Variants in DNAH2 observed in about 807,000 individuals in gnomAD.
DNAH2 encodes axonemal beta dynein heavy chain 2.
Under a neutral mutation model 523.5 loss-of-function variants are expected in DNAH2, and 323 were observed. That is an observed-to-expected ratio of 0.62 (90% CI 0.56 to 0.68). The LOEUF is 0.68. Among genes scored for constraint, DNAH2 ranks in the 30% least tolerant of loss-of-function variants. The pLI is 0.00. For missense variants in DNAH2, 4,907 were observed against 5,701.5 expected, an observed-to-expected ratio of 0.86 and a Z score of 4.49; for synonymous variants, 2,093 against 2,177.4, an observed-to-expected ratio of 0.96 and a Z score of 1.08.
rs2076564158 is a variant in DNAH2, at chr17:7,780,166, G to C, written c.5732G>C (p.Gly1911Ala). The part of the protein sequence containing the change: ...IFITMNPGYA[G>A]RTELPENLKS... ...TGGCATTGTTTTCCAGGCTATGCTGGCCGCACAGAGCTTCCCGAAAATCTT... is the reference window on the plus strand; with the variant it reads ...TGGCATTGTTTTCCAGGCTATGCTGCCCGCACAGAGCTTCCCGAAAATCTT... The change falls in exon 37 of 86, where the codon GGC becomes GCC. Residue 1911 changes from glycine to alanine, a missense_variant. Around this residue, in one of 3 missense-constraint regions of DNAH2, gnomAD observed 2,806 missense variants for 3,190.8 expected, o/e 0.88. Coordinates refer to ENST00000572933, the MANE Select transcript of DNAH2 (RefSeq NM_020877.5). This position sits in a 1 kb window ranked among gnomAD's most constrained non-coding sequence, Gnocchi z 4.4. The C allele has an allele frequency of 6.2e-7, 1 of 1,612,922 alleles. No homozygotes were observed. The highest frequency in any genetic ancestry group is 8.5e-7 in the Non-Finnish European group (1 of 1,179,488).
Position 7,768,060 on chromosome 17 carries a change from A to C in DNAH2, c.3836A>C (p.Lys1279Thr). The C allele has an allele frequency of 6.2e-7, 1 of 1,614,130 alleles. No homozygotes were observed. Among genetic ancestry groups the C allele is most frequent in the Non-Finnish European group, 8.5e-7 (1 of 1,180,016 alleles). ...CTCACAAAATTAGCCAAAGAGTATA[A>C]GGTGGGGAGAAACGGCGGGGAGGCG... is the stretch of plus-strand genomic sequence containing the variant. ...RRLTKLAKEYKDRNWEIIETT... is the reference protein window; with the variant it reads ...RRLTKLAKEYTDRNWEIIETT... The change falls in exon 23 of 86, where the codon AAG becomes ACG. Residue 1279 changes from lysine (K) to threonine (T), a missense_variant and splice_region_variant. Physicochemically the swap from Lys to Thr is moderately conservative, Grantham distance 78 (BLOSUM62 -1). Transcript: ENST00000572933.
intron 11 of DNAH2, among the ~76,000 whole-genome samples, chr17:7,741,236 C>CTCTCTCTCTTTCTT (rs1555540638): frequency 1.4e-4 from 12 of 85,592 alleles, no homozygotes; most frequent in Non-Finnish European, 5.1e-5. Flanking sequence ...TTTTCTCTCT[C>CTCTCTCTCTTTCTT]TCTTTCTTTC....
chr17:7,739,220 A>G (rs956855641), intron 8 of DNAH2, among the ~76,000 whole-genome samples: 6 of 152,170 alleles, frequency 3.9e-5, no homozygotes, highest in Admixed American at 6.5e-5. Flanking sequence ...AGCCTGGCCA[A>G]CATGGTGAAA....
chr17:7,740,072 G>C (rs561674152), intron 9 of DNAH2, 134 bp downstream of exon 9: 1 of 665,576 alleles, frequency 1.5e-6, no homozygotes, highest in South Asian at 1.8e-5. Context: ...GGCCCGGGGG[G>C]GGGGACAGGA....
In DNAH2 at chr17:7,780,027, C is replaced by T; in HGVS notation, c.5723-130C>T. On this transcript the variant is annotated intron_variant, in intron 36 of 85. Coordinates refer to ENST00000572933, the MANE Select transcript of DNAH2 (RefSeq NM_020877.5). The surrounding 1 kb of genome is among the most constrained non-coding windows in gnomAD (Gnocchi z 4.4). ...GGGCTGAGATGAGAAAGGATGTGGT[C>T]TTGGAGTTGGAGAGAAAGTTAGGGA... is the stretch of plus-strand genomic sequence containing the variant. 1 of 1,243,208 alleles carries T rather than the reference C, an allele frequency of 8.0e-7. No individual in the cohort carries two copies. 77.0% of individuals were successfully genotyped at this position (1,243,208 alleles called of 1,614,324 possible).
At position 7,801,572 on chromosome 17, in the gene DNAH2, T is replaced by TC; in HGVS notation, c.8700-3dup. On this transcript the variant is annotated splice_polypyrimidine_tract_variant and splice_region_variant and intron_variant, in intron 56 of 85. Coordinates refer to ENST00000572933, the MANE Select transcript of DNAH2 (RefSeq NM_020877.5). ...GAATTTACAGCCTCTCCAAACCCCT[T>TC]CCCAGGAACTGGATCCGCCAGTACC... 1 of 1,614,026 alleles carries TC rather than the reference T, an allele frequency of 6.2e-7. No individual in the cohort carries two copies. Among genetic ancestry groups the TC allele is most frequent in the Non-Finnish European group, 8.5e-7 (1 of 1,179,976 alleles).
At chr17:7,759,998 G>A in intron 17 of DNAH2, 60 bp downstream of exon 17, 1 of 1,610,898 alleles carries the variant, frequency 6.2e-7, no homozygotes, top group Non-Finnish European at 8.5e-7. Flanking sequence ...GAGTGGGCCA[G>A]GCCAGGAGGA....
intron 49 of DNAH2, among the ~76,000 whole-genome samples, chr17:7,795,940 T>TATAAATAA (rs557782089): frequency 2.7e-5 from 4 of 147,204 alleles, no homozygotes; most frequent in Non-Finnish European, 3.0e-5. Flanking sequence ...GAAGTTGCAG[T>TATAAATAA]ATAAATAAAT....
chr17:7,740,025 A>C, intron 9 of DNAH2, 87 bp downstream of exon 9: 6 of 1,165,888 alleles, frequency 5.1e-6, no homozygotes, highest in Non-Finnish European at 4.5e-6. Context: ...GAGTATGCAA[A>C]GGAAATGGTG....
At chr17:7,775,140 G>C in intron 29 of DNAH2, 101 bp from the exon 30 acceptor site, 1 of 1,293,142 alleles carries the variant, frequency 7.7e-7, no homozygotes, top group South Asian at 1.3e-5. Context: ...ATATTGAGAG[G>C]AGGGGAGAGG....
rs2077864681 is a variant in DNAH2, at chr17:7,821,860, GA to G, written c.11142+493del. Reference sequence around the variant, plus strand: ...GGACGCGCTTTAAGTCCATGATCGTGAACCTCAAGGAGGCCCCTAAGGCTTC... The same window carrying G: ...GGACGCGCTTTAAGTCCATGATCGTGACCTCAAGGAGGCCCCTAAGGCTTC... On this transcript the variant is annotated intron_variant, in intron 73 of 85. Transcript: ENST00000572933. This position sits in a 1 kb window ranked among gnomAD's most constrained non-coding sequence, Gnocchi z 5.0. Among the ~76,000 whole-genome samples, 1 of 152,098 alleles carries G rather than the reference GA, an allele frequency of 6.6e-6. No individual in the cohort carries two copies. The highest frequency in any genetic ancestry group is 6.6e-5 in the Admixed American group (1 of 15,262).
intron 49 of DNAH2, among the ~76,000 whole-genome samples, chr17:7,795,910 T>C (rs1314963281): frequency 1.4e-5 from 2 of 146,680 alleles, no homozygotes; most frequent in African/African-American, 4.9e-5. Context: ...AGGCAGAGAA[T>C]TGCTTGAACC....
In DNAH2 at chr17:7,799,076, C is replaced by T. The variant is rs766344311; in HGVS notation, c.8560-27C>T. The stretch of plus-strand genomic sequence containing the variant: ...TGATTCTGCTATGGACACGCCAGCC[C>T]TCTGACCCTGGGTGGCTTCTGTCCA... On this transcript the variant is annotated intron_variant, in intron 55 of 85. Transcript: ENST00000572933. The T allele has an allele frequency of 1.7e-5, 27 of 1,612,784 alleles. No individual in the cohort carries two copies. The Admixed American group carries it at 3.0e-4, about 18-fold the overall frequency.
intron 12 of DNAH2, among the ~76,000 whole-genome samples, chr17:7,752,278 C>G (rs1453387690): frequency 2.0e-5 from 3 of 151,624 alleles, no homozygotes; most frequent in African/African-American, 7.3e-5. Flanking sequence ...TCTACCTAGT[C>G]ACAATTTTTG....
In DNAH2 at chr17:7,831,472, A is replaced by G. The variant is rs2078172713; in HGVS notation, c.12542A>G (p.Asp4181Gly). 1 of 1,613,834 alleles carries G rather than the reference A, an allele frequency of 6.2e-7. No individual in the cohort carries two copies. Among genetic ancestry groups the G allele is most frequent in the African/African-American group, 1.3e-5 (1 of 74,818 alleles). The change falls in exon 81 of 86, where the codon GAC becomes GGC. Residue 4181 changes from aspartate to glycine, a missense_variant. Physicochemically the swap from Asp to Gly is moderately conservative, Grantham distance 94 (BLOSUM62 -1). This residue lies in a region of DNAH2 where 1,851 missense variants were observed against 2,139.4 expected (regional missense o/e 0.87). Coordinates refer to ENST00000572933, the MANE Select transcript of DNAH2 (RefSeq NM_020877.5). The surrounding 1 kb of genome is among the most constrained non-coding windows in gnomAD (Gnocchi z 4.2). ...GGGACTCAAAAACTGCTAGCTCTCG[A>G]CCCCTCCCCCCTCAATGTGGTCCTT... is the stretch of plus-strand genomic sequence containing the variant. ...YEGTQKLLAL[D>G]PSPLNVVLLQ...
chr17:7,775,926 C>G, intron 30 of DNAH2, 98 bp from the exon 31 acceptor site: 3 of 1,505,284 alleles, frequency 2.0e-6, no homozygotes, highest in Non-Finnish European at 1.8e-6. Flanking sequence ...TCTCTGGGTA[C>G]AAAGCCCTGA....
intron 34 of DNAH2, 22 bp from the exon 35 acceptor site, chr17:7,778,254 ACTCT>A (rs1234499808): frequency 1.2e-6 from 2 of 1,613,670 alleles, no homozygotes; most frequent in Non-Finnish European, 1.7e-6. Flanking sequence ...CAGGAGTCTG[ACTCT>A]AGTTCTGTCC....
In DNAH2 at chr17:7,823,516, A is replaced by G. The variant is rs1360809441; in HGVS notation, c.11217A>G (p.Thr3739=). ...WLADAYWDNI[T]ELDKLTNFHG... is the part of the protein sequence containing the mutation. The stretch of plus-strand genomic sequence containing the variant: ...CAGATGCCTACTGGGATAACATCAC[A>G]GAGCTAGACAAACTGACCAACTTCC... The change falls in exon 74 of 86, where the codon ACA becomes ACG. Residue 3739 remains threonine, a synonymous_variant. Coordinates refer to ENST00000572933, the MANE Select transcript of DNAH2 (RefSeq NM_020877.5). The G allele has an allele frequency of 1.2e-6, 2 of 1,614,134 alleles. No homozygotes were observed. Among genetic ancestry groups the G allele is most frequent in the East Asian group, 4.5e-5 (2 of 44,882 alleles).
chr17:7,747,468 G>A (rs929643869), intron 12 of DNAH2, among the ~76,000 whole-genome samples: 2 of 152,112 alleles, frequency 1.3e-5, no homozygotes, highest in African/African-American at 4.8e-5. Flanking sequence ...CCGTGCTGGT[G>A]GATTTCAACT....
Sources: allele counts gnomAD v4.1 joint callset (sites outside exome capture counted in the v4.1 genomes callset), GRCh38; gene constraint gnomAD v4.1.1; regional missense constraint gnomAD v4.1.1; non-coding constraint Gnocchi (gnomAD v3.1); transcripts MANE v1.5; gene names NCBI Gene and HGNC (gene_info 2026-07-23, HGNC 2026-07-21).